Variants in KCNMA1 observed in about 807,000 individuals in gnomAD.
KCNMA1 encodes potassium calcium-activated channel subfamily M alpha 1.
A neutral mutation model predicts 140.0 loss-of-function variants in KCNMA1; 29 were observed. The observed-to-expected ratio is 0.21, with a 90% CI of 0.15 to 0.28. The LOEUF is 0.28. Among genes scored for constraint, KCNMA1 ranks in the 10% least tolerant of loss-of-function variants. The probability of loss-of-function intolerance (pLI) is 1.00; values close to 1 mark genes in which losing one functional copy is unlikely to be tolerated. For synonymous variants in KCNMA1, 612 were observed against 611.9 expected (o/e 1.00, Z 0.00); for missense variants, 880 against 1,602.2 (o/e 0.55, Z 7.70).
At chr10:77,464,611 G>T (rs932151162) in intron 1 of KCNMA1, among the ~76,000 whole-genome samples, 1 of 152,174 alleles carries the variant, frequency 6.6e-6, no homozygotes, top group African/African-American at 2.4e-5. Flanking sequence ...CTTGAGAAAT[G>T]TGGCTTCTGG....
At chr10:76,918,151 G>C in intron 23 of KCNMA1, among the ~76,000 whole-genome samples, 1 of 152,130 alleles carries the variant, frequency 6.6e-6, no homozygotes, top group East Asian at 1.9e-4. Context: ...TTCTGCATGT[G>C]AACACACTGG....
Position 77,506,596 on chromosome 10 carries a change from A to AGAGAGTGTGTGTGTGTGT in KCNMA1, c.379-102574_379-102573insACACACACACACACTCTC. On this transcript the variant is annotated intron_variant, in intron 1 of 27. Transcript: ENST00000286628. ...TAGAGAGAGAGAGAGAGAGAGAGAG[A>AGAGAGTGTGTGTGTGTGT]GTGTGTGTGTGTGTGTGTGTGTGTT... Among the ~76,000 whole-genome samples the AGAGAGTGTGTGTGTGTGT allele has an allele frequency of 1.7e-4, 14 of 83,566 alleles. 1 individual carries two copies. In the East Asian group the frequency reaches 1.8e-3, roughly 11 times the overall value. 54.8% of individuals were successfully genotyped at this position (83,566 alleles called of 152,430 possible).
At chr10:77,498,319 C>T (rs1387421630) in intron 1 of KCNMA1, among the ~76,000 whole-genome samples, 1 of 152,180 alleles carries the variant, frequency 6.6e-6, no homozygotes, top group African/African-American at 2.4e-5. Flanking sequence ...GCAGCAGCAG[C>T]TCTGAGAAGC....
rs1431824892 is a variant in KCNMA1, at chr10:77,637,475, G to A, written c.168C>T (p.Ser56=). 2 of 1,603,162 alleles carry A rather than the reference G, an allele frequency of 1.2e-6. No individual in the cohort carries two copies. Among genetic ancestry groups the A allele is most frequent in the South Asian group, 1.1e-5 (1 of 90,048 alleles). The change falls in exon 1 of 28, where the codon TCC becomes TCT. Residue 56 remains serine, a synonymous_variant. Coordinates refer to ENST00000286628, the MANE Select transcript of KCNMA1 (RefSeq NM_001161352.2). The stretch of plus-strand genomic sequence containing the variant: ...TGGGCTCGTGGACCGAGGACGAGGA[G>A]GAAGAGGAGGAGGAAGAAGAAGAAG... ...SSSSSSSSSS[S]SSSSVHEPKM... is the part of the protein sequence containing the mutation.
chr10:77,352,623 T>G (rs1383296054), intron 2 of KCNMA1, among the ~76,000 whole-genome samples: 4 of 49,396 alleles, frequency 8.1e-5, no homozygotes, highest in Admixed American at 1.5e-4. Context: ...CAGTACAGGG[T>G]GTGTGTGTGT....
intron 3 of KCNMA1, among the ~76,000 whole-genome samples, chr10:77,232,249 A>G (rs1196839256): frequency 6.6e-6 from 1 of 152,054 alleles, no homozygotes; most frequent in Non-Finnish European, 1.5e-5. Flanking sequence ...GTGGACATGT[A>G]TTTTCATTTC....
chr10:77,112,726 C>T (rs893307246), intron 6 of KCNMA1, among the ~76,000 whole-genome samples: 2 of 152,128 alleles, frequency 1.3e-5, no homozygotes, highest in African/African-American at 2.4e-5. Flanking sequence ...AACACTTGTA[C>T]GCTCTTCATT....
intron 1 of KCNMA1, among the ~76,000 whole-genome samples, chr10:77,578,955 C>T (rs1024269747): frequency 6.6e-6 from 1 of 152,228 alleles, no homozygotes; most frequent in African/African-American, 2.4e-5. Context: ...CTCAGTGAGC[C>T]ATTTTGGCCC....
chr10:77,432,654 A>G (rs1384396710), intron 1 of KCNMA1, among the ~76,000 whole-genome samples: 2 of 152,218 alleles, frequency 1.3e-5, no homozygotes, highest in African/African-American at 4.8e-5. Flanking sequence ...CCCAGACAGC[A>G]GAGATCTCAA....
At chr10:76,896,505 A>G (rs1163867916) in intron 25 of KCNMA1, among the ~76,000 whole-genome samples, 2 of 152,186 alleles carry the variant, frequency 1.3e-5, no homozygotes, top group Non-Finnish European at 2.9e-5. Context: ...TCAGCTTACA[A>G]AGATGATGGG....
intron 2 of KCNMA1, among the ~76,000 whole-genome samples, chr10:77,391,294 G>C (rs1050537536): frequency 6.6e-6 from 1 of 152,162 alleles, no homozygotes; most frequent in African/African-American, 2.4e-5. Context: ...TGTGCCCTTG[G>C]AGGCTTGTGA....
At chr10:77,479,619 G>A (rs951202275) in intron 1 of KCNMA1, among the ~76,000 whole-genome samples, 1 of 152,114 alleles carries the variant, frequency 6.6e-6, no homozygotes, top group Non-Finnish European at 1.5e-5. Flanking sequence ...AGGTCTTACT[G>A]TGCCCATCTG....
At chr10:77,014,581 C>T (rs1299069462) in intron 17 of KCNMA1, among the ~76,000 whole-genome samples, 2 of 151,980 alleles carry the variant, frequency 1.3e-5, no homozygotes, top group East Asian at 3.9e-4. Flanking sequence ...TCTCCCCAAT[C>T]CCTCCCAACC....
chr10:77,608,085 T>G (rs1182488285), intron 1 of KCNMA1, among the ~76,000 whole-genome samples: 3 of 152,178 alleles, frequency 2.0e-5, no homozygotes, highest in Admixed American at 6.5e-5. Context: ...CCATGAAGCT[T>G]TGTTCCAGCC....
downstream of KCNMA1, chr10:76,884,870 A>T (rs199701941): frequency 2.2e-6 from 3 of 1,365,984 alleles, no homozygotes; most frequent in East Asian, 2.8e-5. Flanking sequence ...ACAAACCAAT[A>T]ACAGAATAAA....
chr10:77,182,022 G>T (rs955675614), intron 5 of KCNMA1, among the ~76,000 whole-genome samples: 3 of 151,978 alleles, frequency 2.0e-5, no homozygotes, highest in African/African-American at 4.8e-5. Flanking sequence ...TTGACACTAG[G>T]TATATAATAA....
Position 77,108,424 on chromosome 10 carries a change from G to A in KCNMA1, c.1223+57C>T. On this transcript the variant is annotated intron_variant, in intron 9 of 27. Coordinates refer to ENST00000286628, the MANE Select transcript of KCNMA1 (RefSeq NM_001161352.2). This position sits in a 1 kb window ranked among gnomAD's most constrained non-coding sequence, Gnocchi z 4.6. ...ACAAGAGCCAAAAAAAAAAAAAAAT[G>A]GCATGCAGAGAGGATTCTACCGCAG... is the stretch of plus-strand genomic sequence containing the variant. The A allele has an allele frequency of 1.4e-6, 2 of 1,442,546 alleles. No individual in the cohort carries two copies. Among genetic ancestry groups the A allele is most frequent in the South Asian group, 1.2e-5 (1 of 83,946 alleles). The allele number at this position is 1,442,546 out of a possible 1,614,324, so 89.4% of individuals were successfully genotyped here.
chr10:77,548,935 A>T (rs1423882931), intron 1 of KCNMA1, among the ~76,000 whole-genome samples: 3 of 152,188 alleles, frequency 2.0e-5, no homozygotes, highest in Non-Finnish European at 4.4e-5. Flanking sequence ...TGGTATGGAA[A>T]CTAATAAGGG....
chr10:77,249,088 A>G (rs1424552673), intron 3 of KCNMA1, among the ~76,000 whole-genome samples: 1 of 152,232 alleles, frequency 6.6e-6, no homozygotes, highest in Non-Finnish European at 1.5e-5. Context: ...TGAGGCTACG[A>G]CAGTCCTCAG....
Sources: allele counts gnomAD v4.1 joint callset (sites outside exome capture counted in the v4.1 genomes callset), GRCh38; gene constraint gnomAD v4.1.1; non-coding constraint Gnocchi (gnomAD v3.1); transcripts MANE v1.5; gene names NCBI Gene and HGNC (gene_info 2026-07-23, HGNC 2026-07-21).